PGGT1B: variants seen among roughly 807,000 people sequenced by gnomAD.
PGGT1B encodes the protein geranylgeranyl transferase type-1 subunit beta.
PGGT1B carries 30 observed loss-of-function variants against 46.1 expected under a neutral mutation model. That is an observed-to-expected ratio of 0.65 (90% confidence interval 0.49 to 0.88). PGGT1B has a LOEUF of 0.88. PGGT1B is among the 40% of genes least tolerant of loss of function. The probability of loss-of-function intolerance (pLI) is 0.00; values close to 1 mark genes in which losing one functional copy is unlikely to be tolerated. For synonymous variants in PGGT1B, 170 were observed against 160.0 expected, an observed-to-expected ratio of 1.06 and a Z score of -0.47; for missense variants, 376 against 455.9, an observed-to-expected ratio of 0.82 and a Z score of 1.60.
At chr5:115,236,932 T>G (rs982500280) in intron 4 of PGGT1B, among the ~76,000 whole-genome samples, 1 of 152,156 alleles carries the variant, frequency 6.6e-6, no homozygotes, top group African/African-American at 2.4e-5. Context: ...CTATGTGAAA[T>G]TTCTTCTAAA....
At chr5:115,226,861 T>C (rs1393919469) in intron 6 of PGGT1B, among the ~76,000 whole-genome samples, 5 of 151,984 alleles carry the variant, frequency 3.3e-5, no homozygotes, top group African/African-American at 1.2e-4. Flanking sequence ...AGAAATGTTT[T>C]ATAGAGAAGG....
chr5:115,259,685 C>CAAAAA (rs917531364), intron 1 of PGGT1B, among the ~76,000 whole-genome samples: 127 of 28,362 alleles, frequency 4.5e-3, no homozygotes, highest in Non-Finnish European at 6.3e-3. Context: ...GAGACTGTCT[C>CAAAAA]AAAAAAAAAA....
rs1216951213 is a variant in PGGT1B at position 115,206,896 on chromosome 5, T to C, written c.*5506A>G. 6.6e-6 allele frequency: 1 copy of C among 151,844 alleles called. No homozygotes were observed. The highest frequency in any genetic ancestry group is 1.5e-5 in the Non-Finnish European group (1 of 67,838). The allele number at this position is 151,844 out of a possible 1,614,324, so 9.4% of individuals were successfully genotyped here. A position where few individuals can be genotyped will look rare whatever the true frequency, so the allele number is the denominator to read the frequency against. The stretch of plus-strand genomic sequence containing the variant: ...TTCAGTTTCCATGGTTATTCTAGTA[T>C]GTTCTCTCAAATAACAATATAATTT... On this transcript the variant is annotated 3_prime_UTR_variant, in exon 9 of 9. Coordinates refer to ENST00000419445, the MANE Select transcript of PGGT1B (RefSeq NM_005023.4).
chr5:115,229,247 A>T (rs1230328893), intron 6 of PGGT1B, among the ~76,000 whole-genome samples: 1 of 152,142 alleles, frequency 6.6e-6, no homozygotes, highest in Non-Finnish European at 1.5e-5. Flanking sequence ...AGACAACCTT[A>T]CCAGGGACTC....
chr5:115,241,813 A>T lies in PGGT1B; in HGVS notation c.260-207T>A, dbSNP rs370952549. On this transcript the variant is annotated intron_variant, in intron 2 of 8. Transcript: ENST00000419445. The stretch of plus-strand genomic sequence containing the variant: ...AATTTCCATATGAGTCACAAAAAAC[A>T]TAATTATTTCTATCATGTACCTTTT... Among the ~76,000 whole-genome samples the T allele has an allele frequency of 7.9e-5, 12 of 152,266 alleles. No homozygotes were observed. In the South Asian group the frequency reaches 2.5e-3, roughly 32 times the overall value.
intron 5 of PGGT1B, chr5:115,231,672 G>A (rs1580757924): frequency 6.6e-6 from 1 of 151,982 alleles, no homozygotes; most frequent in African/African-American, 2.4e-5. Context: ...ATCATGAGAG[G>A]AGGGGAGCTA....
chr5:115,228,912 A>G (rs1756883192), intron 6 of PGGT1B, among the ~76,000 whole-genome samples: 1 of 152,212 alleles, frequency 6.6e-6, no homozygotes, highest in Non-Finnish European at 1.5e-5. Context: ...CTAAGTTGCT[A>G]AAGGCTTACA....
At chr5:115,233,066 A>G (rs1476298311) in intron 5 of PGGT1B, among the ~76,000 whole-genome samples, 1 of 152,130 alleles carries the variant, frequency 6.6e-6, no homozygotes, top group East Asian at 1.9e-4. Context: ...TTCTTATCAG[A>G]AAAAATAAAA....
In PGGT1B at chr5:115,262,655, G is replaced by A. The variant is rs1463552750; in HGVS notation, c.140+57C>T. ...CCAGTTTGCGGTCCGACTCCGCCGC[G>A]CCTTTCCGCTGGAGCCCGGGCCTTG... On this transcript the variant is annotated intron_variant, in intron 1 of 8. Transcript: ENST00000419445. The A allele has an allele frequency of 3.9e-6, 6 of 1,546,738 alleles. No homozygotes were observed. The Admixed American group carries it at 5.8e-5, about 15-fold the overall frequency.
Position 115,233,278 on chromosome 5 carries a change from A to C in PGGT1B, c.613-2257T>G, listed in dbSNP as rs570750624. Among the ~76,000 whole-genome samples, 4 of 152,106 alleles carry C rather than the reference A, an allele frequency of 2.6e-5. 1 individual carries two copies. The East Asian group carries it at 7.7e-4, about 29-fold the overall frequency. ...GAAATTAAAAGCTAAAAACAGATGA[A>C]CAAACAATAGAAATAAAAAGAGAAA... On this transcript the variant is annotated intron_variant, in intron 5 of 8. Coordinates refer to ENST00000419445, the MANE Select transcript of PGGT1B (RefSeq NM_005023.4).
At chr5:115,258,975 C>T (rs573514283) in intron 1 of PGGT1B, among the ~76,000 whole-genome samples, 3 of 152,304 alleles carry the variant, frequency 2.0e-5, no homozygotes, top group South Asian at 2.1e-4. Context: ...AGACCTTAGA[C>T]GTTCTCTGCT....
intron 7 of PGGT1B, among the ~76,000 whole-genome samples, chr5:115,219,964 A>G (rs909152590): frequency 2.6e-5 from 4 of 151,882 alleles, no homozygotes; most frequent in Non-Finnish European, 5.9e-5. Context: ...GTGAGGATGT[A>G]GAGAAAATGG....
intron 6 of PGGT1B, among the ~76,000 whole-genome samples, chr5:115,225,812 A>AT (rs1438250040): frequency 1.3e-5 from 2 of 151,286 alleles, no homozygotes; most frequent in African/African-American, 4.9e-5. Flanking sequence ...CATTTGGCTA[A>AT]TTTTTTTTGT....
rs1345319642 is a variant in PGGT1B, at chr5:115,250,439, G to A, written c.259+2698C>T. Among the ~76,000 whole-genome samples the A allele has an allele frequency of 2.0e-5, 3 of 152,158 alleles. No homozygotes were observed. In the East Asian group the frequency reaches 5.8e-4, roughly 29 times the overall value. ...TAAGCACTGAGAGGGAAAAGAAATA[G>A]AAGACACATTCACTTGTCTCCCTTC... On this transcript the variant is annotated intron_variant, in intron 2 of 8. Transcript: ENST00000419445.
intron 8 of PGGT1B, among the ~76,000 whole-genome samples, chr5:115,214,674 T>G (rs546642555): frequency 4.1e-4 from 62 of 152,328 alleles, no homozygotes; most frequent in African/African-American, 1.5e-3. Context: ...ACACAAATGT[T>G]AAAGTTAGCA....
chr5:115,229,835 G>C (rs1756923037), intron 6 of PGGT1B, among the ~76,000 whole-genome samples: 2 of 151,996 alleles, frequency 1.3e-5, no homozygotes, highest in South Asian at 4.2e-4. Context: ...ATCTCATAGA[G>C]ACTCAGGCAC....
chr5:115,235,499 C>T (rs1757153523), intron 5 of PGGT1B, among the ~76,000 whole-genome samples: 1 of 152,088 alleles, frequency 6.6e-6, no homozygotes, highest in Admixed American at 6.6e-5. Context: ...ACAGAGAAAA[C>T]TCTGGCATAT....
intron 5 of PGGT1B, 126 bp downstream of exon 5, chr5:115,236,263 AC>A: frequency 1.5e-6 from 1 of 673,952 alleles, no homozygotes; most frequent in South Asian, 2.2e-5. Flanking sequence ...TACACAATTT[AC>A]CAAAAAGCAA....
rs1477362165 is a variant in PGGT1B, at chr5:115,210,809, A to G, written c.*1593T>C. The G allele has an allele frequency of 6.6e-6, 1 of 152,072 alleles. No homozygotes were observed. Among genetic ancestry groups the G allele is most frequent in the Non-Finnish European group, 1.5e-5 (1 of 67,934 alleles). The allele number at this position is 152,072 out of a possible 1,614,324, so 9.4% of individuals were successfully genotyped here. A position where few individuals can be genotyped will look rare whatever the true frequency, so the allele number is the denominator to read the frequency against. On this transcript the variant is annotated 3_prime_UTR_variant, in exon 9 of 9. Transcript: ENST00000419445. ...CAGGATTTAAATAGTAGCAACTGGA[A>G]TAACCCATAGACGGATAACATCTGT...
Sources: allele counts gnomAD v4.1 joint callset (sites outside exome capture counted in the v4.1 genomes callset), GRCh38; gene constraint gnomAD v4.1.1; transcripts MANE v1.5; gene names NCBI Gene and HGNC (gene_info 2026-07-23, HGNC 2026-07-21).